The following RAB11FIP3 variants were observed in gnomAD, a reference collection of about 807,000 sequenced individuals.
The protein encoded by RAB11FIP3 is rab11 family-interacting protein 3.
A neutral mutation model predicts 77.8 loss-of-function variants in RAB11FIP3; 17 were observed. That is an observed-to-expected ratio of 0.22 (90% CI 0.15 to 0.33). The LOEUF is 0.33. Among genes scored for constraint, RAB11FIP3 ranks in the 10% least tolerant of loss-of-function variants. The pLI, the probability that RAB11FIP3 is intolerant of heterozygous loss-of-function variation, is 1.00. For synonymous variants in RAB11FIP3, 437 were observed against 448.2 expected (o/e 0.98, Z 0.31); for missense variants, 1,005 against 1,011.2 (o/e 0.99, Z 0.08).
At chr16:427,186 A>G (rs1476641495) in intron 1 of RAB11FIP3, among the ~76,000 whole-genome samples, 1 of 152,250 alleles carries the variant, frequency 6.6e-6, no homozygotes, top group African/African-American at 2.4e-5. Context: ...TCCTACTGAT[A>G]GACACCTATT....
In RAB11FIP3 at chr16:471,684, G is replaced by A. The variant is rs1454429705; in HGVS notation, c.903+295G>A. Among the ~76,000 whole-genome samples the A allele has an allele frequency of 2.0e-5, 3 of 152,170 alleles. No individual in the cohort carries two copies. The highest frequency in any genetic ancestry group is 7.2e-5 in the African/African-American group (3 of 41,442). ...CGCTGCCAGGCTGGCAGGCACAGGCGGAGCAGAGGGCTTGGGAGGATTCCT... is the reference window on the plus strand; with the variant it reads ...CGCTGCCAGGCTGGCAGGCACAGGCAGAGCAGAGGGCTTGGGAGGATTCCT... On this transcript the variant is annotated intron_variant, in intron 3 of 13. Transcript: ENST00000262305. The surrounding 1 kb of genome is among the most constrained non-coding windows in gnomAD (Gnocchi z 4.4).
intron 6 of RAB11FIP3, among the ~76,000 whole-genome samples, chr16:498,465 A>G (rs1432377799): frequency 1.3e-5 from 2 of 152,156 alleles, no homozygotes; most frequent in Non-Finnish European, 1.5e-5. Flanking sequence ...ATGAGCCGTC[A>G]CACCTGGCCA....
In RAB11FIP3 at chr16:471,535, G is replaced by A. The variant is rs531866647; in HGVS notation, c.903+146G>A. On this transcript the variant is annotated intron_variant, in intron 3 of 13. Coordinates refer to ENST00000262305, the MANE Select transcript of RAB11FIP3 (RefSeq NM_014700.4). The surrounding 1 kb of genome is among the most constrained non-coding windows in gnomAD (Gnocchi z 4.4). ...CCTCCCGCCCTGTGTGCACCGTGGGGCTCTGTGGCTGTGACGGGAGGCCCA... is the reference window on the plus strand; with the variant it reads ...CCTCCCGCCCTGTGTGCACCGTGGGACTCTGTGGCTGTGACGGGAGGCCCA... 16 of 697,410 alleles carry A rather than the reference G, an allele frequency of 2.3e-5. No homozygotes were observed. Among genetic ancestry groups the A allele is most frequent in the African/African-American group, 2.3e-4 (13 of 56,744 alleles). The allele number at this position is 697,410 out of a possible 1,614,324, so 43.2% of individuals were successfully genotyped here.
intron 4 of RAB11FIP3, among the ~76,000 whole-genome samples, chr16:487,416 C>A (rs1023977374): frequency 1.3e-5 from 2 of 152,236 alleles, no homozygotes; most frequent in African/African-American, 4.8e-5. Flanking sequence ...GCCACCGCCC[C>A]CGGCCCTGGT....
intron 5 of RAB11FIP3, among the ~76,000 whole-genome samples, chr16:493,926 CAG>C (rs1283167100): frequency 7.0e-6 from 1 of 142,014 alleles, no homozygotes; most frequent in South Asian, 2.5e-4. Flanking sequence ...TTTTTTGAGA[CAG>C]AGTCTCGATC....
rs183381176 is a variant in RAB11FIP3, at chr16:449,470, C to T, written c.715-11934C>T. On this transcript the variant is annotated intron_variant, in intron 1 of 13. Transcript: ENST00000262305. ...CTTCTTTGAGACCAGGAGGCTGCTA[C>T]GATGGAGTCTTAAGTTAACATAAAT... Among the ~76,000 whole-genome samples, 384 of 152,060 alleles carry T rather than the reference C, an allele frequency of 2.5e-3. 2 individuals are homozygous for T. Among genetic ancestry groups the T allele is most frequent in the African/African-American group, 8.8e-3 (367 of 41,486 alleles).
intron 5 of RAB11FIP3, 113 bp downstream of exon 5, chr16:489,113 C>A: frequency 7.9e-7 from 1 of 1,267,006 alleles, no homozygotes. Context: ...TCCTTGACGT[C>A]ATGTGATTAA....
At chr16:464,330 T>C (rs572059644) in intron 2 of RAB11FIP3, among the ~76,000 whole-genome samples, 48 of 152,288 alleles carry the variant, frequency 3.2e-4, no homozygotes, top group African/African-American at 1.1e-3. Context: ...GGTGTGTACT[T>C]TATACATTTA....
At chr16:437,834 C>G (rs2055157035) in intron 1 of RAB11FIP3, among the ~76,000 whole-genome samples, 1 of 152,036 alleles carries the variant, frequency 6.6e-6, no homozygotes, top group Non-Finnish European at 1.5e-5. Flanking sequence ...GCTCTGTTGC[C>G]CAGGCTGGAG....
At chr16:482,898 G>A (rs906924480) in intron 4 of RAB11FIP3, among the ~76,000 whole-genome samples, 162 bp downstream of exon 4, 2 of 152,238 alleles carry the variant, frequency 1.3e-5, no homozygotes, top group Non-Finnish European at 2.9e-5. Context: ...TTCCTGGGAT[G>A]AGCCCACACC....
chr16:448,030 C>T (rs552438008), intron 1 of RAB11FIP3, among the ~76,000 whole-genome samples: 43 of 151,922 alleles, frequency 2.8e-4, no homozygotes, highest in Middle Eastern at 6.8e-3. Flanking sequence ...TATGAAAAAG[C>T]GTATTGTCCA....
chr16:489,029 C>T, intron 5 of RAB11FIP3, 29 bp downstream of exon 5: 1 of 1,601,608 alleles, frequency 6.2e-7, no homozygotes, highest in South Asian at 1.1e-5. Flanking sequence ...AGCACACCCT[C>T]CTCCCTCTTC....
chr16:468,334 G>C lies in RAB11FIP3; in HGVS notation c.809-2961G>C, dbSNP rs1199779868. On this transcript the variant is annotated intron_variant, in intron 2 of 13. Coordinates refer to ENST00000262305, the MANE Select transcript of RAB11FIP3 (RefSeq NM_014700.4). ...CCTGGGGCGTCAGGGAGGCGGTGCT[G>C]CCATGGCATTGGACACATGGCCTCT... 1.3e-5 allele frequency among the ~76,000 whole-genome samples: 2 copies of C among 151,868 alleles called. 1 individual carries two copies. The highest frequency in any genetic ancestry group is 2.9e-5 in the Non-Finnish European group (2 of 67,930).
intron 3 of RAB11FIP3, among the ~76,000 whole-genome samples, chr16:480,286 C>CAAAAAAAAGAAAAAAAAAAAAA (rs752259728): frequency 1.2e-5 from 1 of 80,024 alleles, no homozygotes; most frequent in Non-Finnish European, 2.3e-5. Context: ...ACTCCTTCTC[C>CAAAAAAAAGAAAAAAAAAAAAA]AAAAAAAAAA....
At chr16:484,622 G>T (rs1372464304) in intron 4 of RAB11FIP3, among the ~76,000 whole-genome samples, 1 of 152,196 alleles carries the variant, frequency 6.6e-6, no homozygotes, top group Non-Finnish European at 1.5e-5. Flanking sequence ...CGAAGTGCTG[G>T]GATGAGAGGT....
chr16:493,459 G>A (rs2030786123), intron 5 of RAB11FIP3, among the ~76,000 whole-genome samples: 1 of 152,154 alleles, frequency 6.6e-6, no homozygotes, highest in Admixed American at 6.5e-5. Context: ...ACTTAGTCCA[G>A]ACCACCTCTG....
intron 3 of RAB11FIP3, among the ~76,000 whole-genome samples, chr16:476,776 CAAAA>C (rs1299433127): frequency 1.9e-5 from 1 of 53,646 alleles, no homozygotes; most frequent in Non-Finnish European, 3.8e-5. Flanking sequence ...GACTCTGTCT[CAAAA>C]AAAAAAAAAA....
chr16:429,826 G>A (rs2055008153), intron 1 of RAB11FIP3, among the ~76,000 whole-genome samples: 1 of 152,114 alleles, frequency 6.6e-6, no homozygotes, highest in Non-Finnish European at 1.5e-5. Context: ...CAAATTTTCA[G>A]AGGTAGCATA....
intron 1 of RAB11FIP3, among the ~76,000 whole-genome samples, chr16:429,064 C>T (rs1453048316): frequency 6.6e-6 from 1 of 152,010 alleles, no homozygotes; most frequent in African/African-American, 2.4e-5. Flanking sequence ...GGACTTGGGC[C>T]GGCTTCCTGG....
Sources: allele counts gnomAD v4.1 joint callset (sites outside exome capture counted in the v4.1 genomes callset), GRCh38; gene constraint gnomAD v4.1.1; non-coding constraint Gnocchi (gnomAD v3.1); transcripts MANE v1.5; gene names NCBI Gene and HGNC (gene_info 2026-07-23, HGNC 2026-07-21).